The following AKAP9 variants were observed in gnomAD, a reference collection of about 807,000 sequenced individuals.
AKAP9 encodes the protein A-kinase anchoring protein 9.
AKAP9 carries 311 observed loss-of-function variants against 488.5 expected under a neutral mutation model. The observed-to-expected ratio is 0.64, with a 90% CI of 0.58 to 0.70. The LOEUF (loss-of-function observed/expected upper bound fraction) is 0.70, where lower values mean the gene tolerates loss of function less well. AKAP9 is among the 30% of genes least tolerant of loss of function. AKAP9 has a pLI of 0.00. For missense variants in AKAP9, 4,215 were observed against 4,374.5 expected, an observed-to-expected ratio of 0.96 and a Z score of 1.03; for synonymous variants, 1,462 against 1,483.5, an observed-to-expected ratio of 0.99 and a Z score of 0.33.
intron 1 of AKAP9, among the ~76,000 whole-genome samples, chr7:91,961,361 A>G (rs1793707089): frequency 6.6e-6 from 1 of 151,618 alleles, no homozygotes; most frequent in Admixed American, 6.6e-5. Flanking sequence ...GTATTTTAGT[A>G]GAGACGGGGT....
chr7:92,108,833 T>G lies in AKAP9; in HGVS notation c.11686+200T>G, dbSNP rs1818933267. On this transcript the variant is annotated intron_variant, in intron 49 of 49. Transcript: ENST00000356239. ...AAATAATTTAAGTGAAAATATGATT[T>G]ATCACCCCAGATCCCACTCCTCCCA... 11 of 691,720 alleles carry G rather than the reference T, an allele frequency of 1.6e-5. No homozygotes were observed. The South Asian group carries it at 1.7e-4, about 11-fold the overall frequency. The allele number at this position is 691,720 out of a possible 1,614,324, so 42.8% of individuals were successfully genotyped here. A position where few individuals can be genotyped will look rare whatever the true frequency, so the allele number is the denominator to read the frequency against.
intron 8 of AKAP9, among the ~76,000 whole-genome samples, chr7:92,006,198 T>A (rs1160213528): frequency 6.6e-6 from 1 of 151,952 alleles, no homozygotes; most frequent in Non-Finnish European, 1.5e-5. Flanking sequence ...CCGTCCAGGC[T>A]AGAGTCTCAT....
intron 24 of AKAP9, among the ~76,000 whole-genome samples, chr7:92,063,727 T>C (rs1428240228): frequency 1.3e-5 from 2 of 152,202 alleles, no homozygotes; most frequent in Non-Finnish European, 2.9e-5. Flanking sequence ...CATCATCTTA[T>C]GATGTCTATT....
At chr7:92,103,293 G>A (rs1471263566) in intron 46 of AKAP9, among the ~76,000 whole-genome samples, 1 of 151,102 alleles carries the variant, frequency 6.6e-6, no homozygotes, top group Non-Finnish European at 1.5e-5. Flanking sequence ...GGGAGTCTGA[G>A]GCAGGAGAAT....
chr7:92,059,088 T>C (rs1019784724), intron 22 of AKAP9, among the ~76,000 whole-genome samples: 1 of 152,008 alleles, frequency 6.6e-6, no homozygotes, highest in Non-Finnish European at 1.5e-5. Context: ...AGCTTTATCC[T>C]GTACTAGCTA....
At chr7:92,100,744 G>T (rs137953515) in intron 44 of AKAP9, 112 bp from the exon 45 acceptor site, 13 of 1,233,328 alleles carry the variant, frequency 1.1e-5, no homozygotes, top group Non-Finnish European at 1.5e-5. Context: ...TTTGAACTTT[G>T]TCTGGGTGGG....
At chr7:92,016,726 G>A (rs970218928) in intron 11 of AKAP9, among the ~76,000 whole-genome samples, 2 of 151,908 alleles carry the variant, frequency 1.3e-5, no homozygotes, top group African/African-American at 4.8e-5. Flanking sequence ...CTTTTTTGAT[G>A]TTCTTTCACA....
chr7:92,059,376 G>T (rs1176453013), intron 22 of AKAP9, among the ~76,000 whole-genome samples: 1 of 151,690 alleles, frequency 6.6e-6, no homozygotes, highest in Non-Finnish European at 1.5e-5. Flanking sequence ...ATGAAGTGTG[G>T]ATCTCATCTG....
chr7:92,085,452 G>A (rs1814367402), intron 35 of AKAP9, 43 bp from the exon 36 acceptor site: 1 of 1,565,114 alleles, frequency 6.4e-7, no homozygotes, highest in Non-Finnish European at 8.8e-7. Context: ...TTCAGTCTGT[G>A]AAGAAGTTGT....
chr7:92,064,832 G>C (rs960931790), intron 24 of AKAP9, among the ~76,000 whole-genome samples: 3 of 152,028 alleles, frequency 2.0e-5, no homozygotes, highest in African/African-American at 7.2e-5. Flanking sequence ...TTGACTTTAT[G>C]GGTTTGGAAT....
chr7:92,025,458 A>G lies in AKAP9; in HGVS notation c.4148+2449A>G, dbSNP rs138083060. 6.1e-4 allele frequency among the ~76,000 whole-genome samples: 93 copies of G among 152,344 alleles called. 1 individual carries two copies. The East Asian group carries it at 0.013, about 21-fold the overall frequency. Reference sequence around the variant, plus strand: ...TTCTTACTAATAGTAATGAGTCAAAATTATTTTGTGTAAATAGCATCACAT... The same window carrying G: ...TTCTTACTAATAGTAATGAGTCAAAGTTATTTTGTGTAAATAGCATCACAT... On this transcript the variant is annotated intron_variant, in intron 14 of 49. Coordinates refer to ENST00000356239, the MANE Select transcript of AKAP9 (RefSeq NM_005751.5).
At position 92,076,939 on chromosome 7, in the gene AKAP9, T is replaced by C; in HGVS notation, c.6697T>C (p.Leu2233=). 1 of 1,567,338 alleles carries C rather than the reference T, an allele frequency of 6.4e-7. No homozygotes were observed. Reference sequence around the variant, plus strand: ...AGAAGTTCAACAATTACATATGCAATTAGAAATACAGAAAAAGGAATCTAC... The same window carrying C: ...AGAAGTTCAACAATTACATATGCAACTAGAAATACAGAAAAAGGAATCTAC... ...NEEVQQLHMQ[L]EIQKKESTTR... is the part of the protein sequence containing the mutation. The change falls in exon 29 of 50, where the codon TTA becomes CTA. Residue 2233 remains leucine, a synonymous_variant. Transcript: ENST00000356239.
intron 17 of AKAP9, 87 bp from the exon 18 acceptor site, chr7:92,040,587 C>A: frequency 1.1e-6 from 1 of 913,420 alleles, no homozygotes. Context: ...GAATTGCTTT[C>A]GTATTTGTTT....
rs1423933631 is a variant in AKAP9 at position 92,079,315 on chromosome 7, A to G, written c.7182A>G (p.Glu2394=). 6.2e-7 allele frequency: 1 copy of G among 1,614,000 alleles called. No individual in the cohort carries two copies. The highest frequency in any genetic ancestry group is 1.3e-5 in the African/African-American group (1 of 74,952). ...LKHQLDVVIA[E]KLALEQQVET... ...ATCAATTGGATGTGGTTATAGCTGA[A>G]AAGCTGGCCTTGGAACAGCAAGTAG... Residue 2394 remains glutamate, a synonymous_variant, in exon 31 of 50, where the codon GAA becomes GAG. Transcript: ENST00000356239.
At chr7:92,048,771 G>A (rs1208952638) in intron 21 of AKAP9, among the ~76,000 whole-genome samples, 2 of 152,158 alleles carry the variant, frequency 1.3e-5, no homozygotes, top group Non-Finnish European at 2.9e-5. Flanking sequence ...GCCAGGTGTG[G>A]CGGCACATAC....
chr7:92,059,128 T>C (rs2130816855), intron 22 of AKAP9, among the ~76,000 whole-genome samples: 1 of 152,090 alleles, frequency 6.6e-6, no homozygotes, highest in Non-Finnish European at 1.5e-5. Context: ...GTTTTCAGAA[T>C]AGTTTTGTTA....
chr7:92,070,788 A>G, intron 27 of AKAP9, 117 bp from the exon 28 acceptor site: 1 of 741,142 alleles, frequency 1.3e-6, no homozygotes, highest in Non-Finnish European at 2.2e-6. Flanking sequence ...TAATTGGAGA[A>G]ACAGGATTGC....
chr7:92,062,223 T>C, intron 23 of AKAP9, 51 bp from the exon 24 acceptor site: 1 of 1,506,042 alleles, frequency 6.6e-7, no homozygotes, highest in Non-Finnish European at 9.2e-7. Flanking sequence ...AACCTAGTGG[T>C]TGAATTTGAA....
intron 9 of AKAP9, among the ~76,000 whole-genome samples, chr7:92,013,183 G>A (rs1485058108): frequency 6.6e-6 from 1 of 150,768 alleles, no homozygotes; most frequent in Non-Finnish European, 1.5e-5. Context: ...AGTAGAGACG[G>A]GGTTTCACCG....
Sources: allele counts gnomAD v4.1 joint callset (sites outside exome capture counted in the v4.1 genomes callset), GRCh38; gene constraint gnomAD v4.1.1; transcripts MANE v1.5; gene names NCBI Gene and HGNC (gene_info 2026-07-23, HGNC 2026-07-21).